Variants in TMEM222 observed in about 807,000 individuals in gnomAD.
TMEM222 encodes the protein chromosome 1 open reading frame 160.
A neutral mutation model predicts 25.1 loss-of-function variants in TMEM222; 18 were observed. That is an observed-to-expected ratio of 0.72 (90% CI 0.50 to 1.06). The LOEUF (loss-of-function observed/expected upper bound fraction) is 1.06, where lower values mean the gene tolerates loss of function less well. Among genes scored for constraint, TMEM222 ranks in the 50% least tolerant of loss-of-function variants. The probability of loss-of-function intolerance (pLI) is 0.00; values close to 1 mark genes in which losing one functional copy is unlikely to be tolerated. For missense variants in TMEM222, 296 were observed against 293.7 expected (o/e 1.01, Z -0.06); for synonymous variants, 131 against 117.9 (o/e 1.11, Z -0.72).
chr1:27,322,818 A>C (rs2014239544), intron 1 of TMEM222, among the ~76,000 whole-genome samples: 1 of 152,168 alleles, frequency 6.6e-6, no homozygotes, highest in Non-Finnish European at 1.5e-5. Context: ...GGTTGGGACC[A>C]CACGAGATCC....
chr1:27,330,718 A>C lies in TMEM222; in HGVS notation c.195-2A>C. On this transcript the variant is annotated splice_acceptor_variant, in intron 1 of 5. Coordinates refer to ENST00000374076, the MANE Select transcript of TMEM222 (RefSeq NM_032125.3). LOFTEE classifies it high-confidence loss of function. ...GTCCCTTCCCCGTCCTTTTCCTCAC[A>C]GGTGGTTTTTCCCCATCATCGGCCA... The C allele has an allele frequency of 1.2e-6, 2 of 1,614,022 alleles. No individual in the cohort carries two copies. The highest frequency in any genetic ancestry group is 1.7e-6 in the Non-Finnish European group (2 of 1,179,942).
At chr1:27,329,352 A>G (rs910769314) in intron 1 of TMEM222, among the ~76,000 whole-genome samples, 1 of 152,028 alleles carries the variant, frequency 6.6e-6, no homozygotes, top group African/African-American at 2.4e-5. Context: ...CAATGCTAAG[A>G]CCCAGAGGAC....
chr1:27,335,504 G>A lies in TMEM222; in HGVS notation c.*38G>A. ...GGCCCCACACCCACCAGGGTCCCGA[G>A]GAAACAGCCGCCATCCCTTTTGGTT... On this transcript the variant is annotated 3_prime_UTR_variant, in exon 6 of 6. Coordinates refer to ENST00000374076, the MANE Select transcript of TMEM222 (RefSeq NM_032125.3). The A allele has an allele frequency of 6.2e-7, 1 of 1,600,276 alleles. No homozygotes were observed.
rs769192003 is a variant in TMEM222 at position 27,334,139 on chromosome 1, T to C, written c.409-12T>C. On this transcript the variant is annotated splice_polypyrimidine_tract_variant and intron_variant, in intron 4 of 5. Coordinates refer to ENST00000374076, the MANE Select transcript of TMEM222 (RefSeq NM_032125.3). ...TGCAGCCCATCCTGACCAGCCCTTC[T>C]GGTGCCTCCAGCACAATCTCTGCTG... 3 of 1,614,160 alleles carry C rather than the reference T, an allele frequency of 1.9e-6. No individual in the cohort carries two copies. The highest frequency in any genetic ancestry group is 1.7e-6 in the Non-Finnish European group (2 of 1,180,020).
intron 1 of TMEM222, chr1:27,325,478 A>G (rs538374582): frequency 3.5e-5 from 50 of 1,440,478 alleles, no homozygotes; most frequent in Admixed American, 2.5e-4. Context: ...TGGGTATGGA[A>G]TCTTGCGGCA....
intron 5 of TMEM222, chr1:27,334,652 A>C: frequency 7.0e-7 from 1 of 1,423,678 alleles, no homozygotes; most frequent in Non-Finnish European, 9.3e-7. Flanking sequence ...TCCTCTCATA[A>C]TGACTGCCCC....
intron 2 of TMEM222, chr1:27,331,262 C>A: frequency 1.5e-6 from 1 of 670,184 alleles, no homozygotes; most frequent in Non-Finnish European, 1.9e-6. Context: ...GGGGCTGTGA[C>A]CAAGACTGGT....
intron 1 of TMEM222, among the ~76,000 whole-genome samples, chr1:27,329,582 TAACTATACCACA>T: frequency 6.6e-6 from 1 of 152,266 alleles, no homozygotes; most frequent in Non-Finnish European, 1.5e-5. Flanking sequence ...TTTCAATGTA[TAACTATACCACA>T]CTTATTCATC....
At position 27,328,213 on chromosome 1, in the gene TMEM222, G is replaced by T. The variant is rs1209354989; in HGVS notation, c.195-2507G>T. Among the ~76,000 whole-genome samples, 7 of 152,170 alleles carry T rather than the reference G, an allele frequency of 4.6e-5. 1 individual carries two copies. The highest frequency in any genetic ancestry group is 3.3e-4 in the Admixed American group (5 of 15,280). On this transcript the variant is annotated intron_variant, in intron 1 of 5. Transcript: ENST00000374076. ...AGGCCTAATCAGTGAGGAGTCAGCTGTGCCATGCTCTCTGGGAAGAGTGTT... is the reference window on the plus strand; with the variant it reads ...AGGCCTAATCAGTGAGGAGTCAGCTTTGCCATGCTCTCTGGGAAGAGTGTT...
Position 27,325,139 on chromosome 1 carries a change from A to T in TMEM222, c.194+2748A>T, listed in dbSNP as rs564850082. The T allele has an allele frequency of 1.5e-4, 50 of 340,396 alleles. 3 individuals are homozygous for T. Among genetic ancestry groups the T allele is most frequent in the South Asian group, 1.2e-3 (49 of 39,952 alleles). 21.1% of individuals were successfully genotyped at this position (340,396 alleles called of 1,614,324 possible). Reference sequence around the variant, plus strand: ...TAACTGTCACCTGTCTTTGGAGGAGAGATCAGAGGAGGAAATGGAACCCAA... The same window carrying T: ...TAACTGTCACCTGTCTTTGGAGGAGTGATCAGAGGAGGAAATGGAACCCAA... On this transcript the variant is annotated intron_variant, in intron 1 of 5. Coordinates refer to ENST00000374076, the MANE Select transcript of TMEM222 (RefSeq NM_032125.3).
rs748634322 is a variant in TMEM222, at chr1:27,322,297, A to T, written c.100A>T (p.Met34Leu). 13 of 1,563,766 alleles carry T rather than the reference A, an allele frequency of 8.3e-6. No homozygotes were observed. Among genetic ancestry groups the T allele is most frequent in the Non-Finnish European group, 1.1e-5 (13 of 1,152,810 alleles). The change falls in exon 1 of 6, where the codon ATG becomes TTG. Residue 34 changes from methionine to leucine, a missense_variant. By Grantham distance (15) the Met-to-Leu change is conservative (BLOSUM62 2). Transcript: ENST00000374076. Reference sequence around the variant, plus strand: ...GGCGCCGACGGCGGCCGAGACGGACATGAAGCAATATCAAGGCTCCGGCGG... The same window carrying T: ...GGCGCCGACGGCGGCCGAGACGGACTTGAAGCAATATCAAGGCTCCGGCGG... Reference protein sequence around the residue: ...VEAPTAAETDMKQYQGSGGVA... With the variant: ...VEAPTAAETDLKQYQGSGGVA...
At chr1:27,333,506 G>T in intron 3 of TMEM222, 1 of 458,266 alleles carries the variant, frequency 2.2e-6, no homozygotes. Flanking sequence ...GCGGGTGCTG[G>T]TAGAGTCAGT....
At chr1:27,333,167 C>A in intron 3 of TMEM222, 1 of 376,272 alleles carries the variant, frequency 2.7e-6, no homozygotes, top group Non-Finnish European at 5.4e-6. Context: ...TCACCTGCAT[C>A]TCCAGCCTTA....
intron 1 of TMEM222, 140 bp downstream of exon 1, chr1:27,322,531 C>A: frequency 1.3e-6 from 1 of 778,524 alleles, no homozygotes; most frequent in Non-Finnish European, 1.8e-6. Flanking sequence ...TCACCAGAAC[C>A]CCGCCATCCA....
chr1:27,335,440 G>A lies in TMEM222; in HGVS notation c.601G>A (p.Val201Ile), dbSNP rs145352014. Residue 201 changes from valine (V) to isoleucine (I), a missense_variant, in exon 6 of 6, where the codon GTC (valine) becomes ATC (isoleucine). Coordinates refer to ENST00000374076, the MANE Select transcript of TMEM222 (RefSeq NM_032125.3). ...CCTTCTCCTGGGCATCATCCTCACC[G>A]TCAGCCTGGTCTTTAACCTCCGGTG... is the stretch of plus-strand genomic sequence containing the variant. The part of the protein sequence containing the change: ...FILLLGIILT[V>I]SLVFNLR 1.5e-4 allele frequency: 239 copies of A among 1,614,190 alleles called. No homozygotes were observed. Among genetic ancestry groups the A allele is most frequent in the African/African-American group, 4.5e-4 (34 of 75,056 alleles).
intron 1 of TMEM222, among the ~76,000 whole-genome samples, chr1:27,329,020 T>G (rs1028422763): frequency 6.6e-6 from 1 of 152,178 alleles, no homozygotes; most frequent in Non-Finnish European, 1.5e-5. Flanking sequence ...TGTGACATAT[T>G]GGGGTGCATC....
rs533038361 is a variant in TMEM222 at position 27,322,402 on chromosome 1, T to C, written c.194+11T>C. Reference sequence around the variant, plus strand: ...CATCCCGGTGCTCACGTGAGTCTCTTCCGGCATCCGCCTGGGGACGAGGAG... The same window carrying C: ...CATCCCGGTGCTCACGTGAGTCTCTCCCGGCATCCGCCTGGGGACGAGGAG... On this transcript the variant is annotated intron_variant, in intron 1 of 5. Coordinates refer to ENST00000374076, the MANE Select transcript of TMEM222 (RefSeq NM_032125.3). 8.7e-6 allele frequency: 12 copies of C among 1,381,268 alleles called. No individual in the cohort carries two copies. The Admixed American group carries it at 1.2e-4, about 14-fold the overall frequency. 85.6% of individuals were successfully genotyped at this position (1,381,268 alleles called of 1,614,324 possible).
At chr1:27,325,549 A>G in intron 1 of TMEM222, 2 of 1,316,690 alleles carry the variant, frequency 1.5e-6, no homozygotes, top group South Asian at 1.2e-5. Flanking sequence ...AAAGACCTGT[A>G]CACCAACATA....
intron 2 of TMEM222, 125 bp downstream of exon 2, chr1:27,330,929 C>G (rs976999571): frequency 1.3e-6 from 2 of 1,564,788 alleles, no homozygotes; most frequent in Non-Finnish European, 1.7e-6. Context: ...AGTCCTGGCC[C>G]TGGCCCTCTG....
Sources: allele counts gnomAD v4.1 joint callset (sites outside exome capture counted in the v4.1 genomes callset), GRCh38; gene constraint gnomAD v4.1.1; transcripts MANE v1.5; gene names NCBI Gene and HGNC (gene_info 2026-07-23, HGNC 2026-07-21).